The following EIF3K variants were observed in gnomAD, a reference collection of about 807,000 sequenced individuals.
EIF3K encodes eIF-3 p28.
In EIF3K, 27 loss-of-function variants were observed where a neutral mutation model predicts 34.2. That is an observed-to-expected ratio of 0.79 (90% CI 0.58 to 1.09). The LOEUF (loss-of-function observed/expected upper bound fraction) is 1.09. Among genes scored for constraint, EIF3K ranks in the 50% least tolerant of loss-of-function variants. The probability of loss-of-function intolerance (pLI) is 0.00; values close to 1 mark genes in which losing one functional copy is unlikely to be tolerated. For missense variants in EIF3K, 232 were observed against 275.4 expected (o/e 0.84, Z 1.11); for synonymous variants, 105 against 105.7 (o/e 0.99, Z 0.04).
chr19:38,636,854 T>C, intron 7 of EIF3K, 35 bp from the exon 8 acceptor site: 1 of 1,614,142 alleles, frequency 6.2e-7, no homozygotes, highest in Non-Finnish European at 8.5e-7. Flanking sequence ...TCTCCCGCCC[T>C]TCTCACCTTC....
At chr19:38,630,209 A>C (rs977709292) in intron 4 of EIF3K, among the ~76,000 whole-genome samples, 2 of 150,926 alleles carry the variant, frequency 1.3e-5, no homozygotes, top group African/African-American at 4.9e-5. Flanking sequence ...GCTAGAGTGC[A>C]GTGATATGAT....
At chr19:38,628,499 G>T (rs181425607) in intron 4 of EIF3K, 1 of 152,690 alleles carries the variant, frequency 6.5e-6, no homozygotes, top group African/African-American at 2.4e-5. Context: ...CTCTTTCTCT[G>T]CAGGCTTCTC....
chr19:38,636,251 G>A (rs1289861179), intron 7 of EIF3K, among the ~76,000 whole-genome samples: 1 of 152,180 alleles, frequency 6.6e-6, no homozygotes, highest in Admixed American at 6.5e-5. Flanking sequence ...GGAGGAGGAA[G>A]GTGTGAATCT....
intron 1 of EIF3K, among the ~76,000 whole-genome samples, chr19:38,619,534 G>C (rs553574051): frequency 5.4e-4 from 82 of 152,310 alleles, no homozygotes; most frequent in African/African-American, 1.9e-3. Context: ...GGCCGAGGTA[G>C]GTGGGTCGCC....
In EIF3K at chr19:38,620,409, G is replaced by A. The variant is rs747845596; in HGVS notation, c.132G>A (p.Leu44=). 1.1e-5 allele frequency: 17 copies of A among 1,613,966 alleles called. No homozygotes were observed. The highest frequency in any genetic ancestry group is 1.4e-5 in the Non-Finnish European group (17 of 1,179,984). ...AGGCCAAGGAAAATGCCTATGATCT[G>A]GAAGCCAACCTGGCTGTCCTGAAGC... ...ETQAKENAYD[L]EANLAVLKLY... The change falls in exon 2 of 8, where the codon CTG becomes CTA. Residue 44 remains leucine (L), a synonymous_variant. Transcript: ENST00000248342.
intron 4 of EIF3K, among the ~76,000 whole-genome samples, chr19:38,629,735 T>G (rs1976021761): frequency 6.6e-6 from 1 of 152,068 alleles, no homozygotes; most frequent in African/African-American, 2.4e-5. Context: ...GTGGTAGCCA[T>G]GGAGGAGAAT....
chr19:38,621,464 G>A (rs145443602), intron 2 of EIF3K, among the ~76,000 whole-genome samples: 2 of 152,292 alleles, frequency 1.3e-5, no homozygotes, highest in Non-Finnish European at 2.9e-5. Context: ...AATACATTAA[G>A]CAAACATGTA....
rs1712191657 is a variant in EIF3K at position 38,620,337 on chromosome 19, G to A, written c.60G>A (p.Arg20=). Residue 20 remains arginine (R), a splice_region_variant and synonymous_variant, in exon 2 of 8, where the codon AGG becomes AGA. Coordinates refer to ENST00000248342, the MANE Select transcript of EIF3K (RefSeq NM_013234.4). Reference sequence around the variant, plus strand: ...CTCACCTATCTTGATTCTCCTTTAGGTACAATCCTGAGAACCTGGCCACCC... The same window carrying A: ...CTCACCTATCTTGATTCTCCTTTAGATACAATCCTGAGAACCTGGCCACCC... ...NVGKLLKGID[R]YNPENLATLE... is the part of the protein sequence containing the mutation. 7 of 1,613,552 alleles carry A rather than the reference G, an allele frequency of 4.3e-6. No homozygotes were observed. The highest frequency in any genetic ancestry group is 1.7e-5 in the Admixed American group (1 of 59,948).
intron 6 of EIF3K, among the ~76,000 whole-genome samples, chr19:38,633,366 GCTTA>G (rs1007084813): frequency 6.6e-6 from 1 of 152,172 alleles, no homozygotes; most frequent in Non-Finnish European, 1.5e-5. Flanking sequence ...TAACTTATTT[GCTTA>G]CTTTTGTAAA....
chr19:38,632,526 A>C, intron 5 of EIF3K, 30 bp downstream of exon 5: 1 of 1,613,702 alleles, frequency 6.2e-7, no homozygotes, highest in Non-Finnish European at 8.5e-7. Flanking sequence ...TGGGCTCCCC[A>C]AGGGGAAGGG....
At chr19:38,635,592 G>C (rs1404496880) in intron 7 of EIF3K, 1 of 188,108 alleles carries the variant, frequency 5.3e-6, no homozygotes, top group East Asian at 1.3e-4. Flanking sequence ...GATAAACACT[G>C]TGTAGGTCCT....
chr19:38,627,940 T>TG (rs2144771765), intron 4 of EIF3K, among the ~76,000 whole-genome samples: 1 of 150,928 alleles, frequency 6.6e-6, no homozygotes, highest in Non-Finnish European at 1.5e-5. Context: ...TGTCTCGCTG[T>TG]GTCACCCAGG....
chr19:38,622,751 GC>G (rs1975869442), intron 2 of EIF3K, among the ~76,000 whole-genome samples: 1 of 152,196 alleles, frequency 6.6e-6, no homozygotes, highest in Non-Finnish European at 1.5e-5. Context: ...AGACAGGTAC[GC>G]CCCGGGGGGC....
chr19:38,621,903 CTTTTTT>C (rs914363057), intron 2 of EIF3K, among the ~76,000 whole-genome samples: 1 of 111,504 alleles, frequency 9.0e-6, no homozygotes, highest in Admixed American at 9.7e-5. Flanking sequence ...TCTTCGTGCC[CTTTTTT>C]TTTTTTTTTT....
At chr19:38,634,611 AGT>A (rs1335256825) in intron 6 of EIF3K, among the ~76,000 whole-genome samples, 2 of 152,004 alleles carry the variant, frequency 1.3e-5, no homozygotes, top group Non-Finnish European at 2.9e-5. Context: ...AAAAAAAAAA[AGT>A]GTATTGTTTC....
chr19:38,633,978 T>C (rs1445263412), intron 6 of EIF3K, among the ~76,000 whole-genome samples: 1 of 148,264 alleles, frequency 6.7e-6, no homozygotes, highest in South Asian at 2.4e-4. Context: ...AGTTTGACCA[T>C]GTTGGCCAGG....
At position 38,624,098 on chromosome 19, in the gene EIF3K, C is replaced by T; in HGVS notation, c.180C>T (p.Phe60=). ...TTAGGTACCAGTTCAACCCAGCCTT[C>T]TTTCAGACCACGGTCACCGCCCAGA... ...VLKLYQFNPA[F]FQTTVTAQIL... is the part of the protein sequence containing the mutation. Residue 60 remains phenylalanine (F), a synonymous_variant, in exon 3 of 8, where the codon TTC becomes TTT. Coordinates refer to ENST00000248342, the MANE Select transcript of EIF3K (RefSeq NM_013234.4). 6.2e-7 allele frequency: 1 copy of T among 1,614,198 alleles called. No individual in the cohort carries two copies. The highest frequency in any genetic ancestry group is 8.5e-7 in the Non-Finnish European group (1 of 1,180,020).
chr19:38,633,662 C>T lies in EIF3K; in HGVS notation c.499+984C>T, dbSNP rs182575336. On this transcript the variant is annotated intron_variant, in intron 6 of 7. Coordinates refer to ENST00000248342, the MANE Select transcript of EIF3K (RefSeq NM_013234.4). ...GCAGTGAGCTGAGATCGCACCATTG[C>T]ACTAGTGATAAGATCGAAACTCCAT... Among the ~76,000 whole-genome samples, 3 of 149,812 alleles carry T rather than the reference C, an allele frequency of 2.0e-5. No individual in the cohort carries two copies. The East Asian group carries it at 5.9e-4, about 30-fold the overall frequency.
At chr19:38,621,718 G>T (rs963012920) in intron 2 of EIF3K, among the ~76,000 whole-genome samples, 1 of 152,070 alleles carries the variant, frequency 6.6e-6, no homozygotes, top group Middle Eastern at 3.2e-3. Flanking sequence ...AAACTCTTCT[G>T]CATTTGCCAT....
Sources: allele counts gnomAD v4.1 joint callset (sites outside exome capture counted in the v4.1 genomes callset), GRCh38; gene constraint gnomAD v4.1.1; transcripts MANE v1.5; gene names NCBI Gene and HGNC (gene_info 2026-07-23, HGNC 2026-07-21).